Variants in RPS6KA2 observed in about 807,000 individuals in gnomAD.
The protein encoded by RPS6KA2 is ribosomal protein S6 kinase alpha-2.
Under a neutral mutation model 91.8 loss-of-function variants are expected in RPS6KA2, and 42 were observed. The observed-to-expected ratio is 0.46, with a 90% CI of 0.36 to 0.59. The LOEUF is 0.59. RPS6KA2 is among the 20% of genes least tolerant of loss of function. The pLI, the probability that RPS6KA2 is intolerant of heterozygous loss-of-function variation, is 0.00. For synonymous variants in RPS6KA2, 414 were observed against 393.6 expected (o/e 1.05, Z -0.61); for missense variants, 798 against 978.5 (o/e 0.82, Z 2.46).
At chr6:166,748,527 CTCCTCGGGCCCCCCATCCCCTT>C (rs1306829255) in intron 2 of RPS6KA2, among the ~76,000 whole-genome samples, 1 of 151,068 alleles carries the variant, frequency 6.6e-6, no homozygotes, top group African/African-American at 2.4e-5. Context: ...GGGGCCCCAC[CTCCTCGGGCCCCCCATCCCCTT>C]GGGCCCCCAC....
At chr6:166,687,491 G>A (rs1181642770) in intron 2 of RPS6KA2, among the ~76,000 whole-genome samples, 2 of 152,314 alleles carry the variant, frequency 1.3e-5, no homozygotes, top group South Asian at 2.1e-4. Flanking sequence ...AGAGGCCAGC[G>A]GGGTTTTTCA....
In RPS6KA2 at chr6:166,744,129, C is replaced by T. The variant is rs561029735; in HGVS notation, c.123+114071G>A. 2.1e-4 allele frequency among the ~76,000 whole-genome samples: 32 copies of T among 152,308 alleles called. 2 individuals are homozygous for T. In the South Asian group the frequency reaches 6.2e-3, roughly 30 times the overall value. On this transcript the variant is annotated intron_variant, in intron 2 of 21. Coordinates refer to the RPS6KA2 transcript ENST00000503859. ...ATAGACAGGGGTAAACACCCACCCA[C>T]GCTAGTGTGGTCACTCCCTTCCATT...
At chr6:166,643,191 A>G (rs1787497872) in intron 2 of RPS6KA2, among the ~76,000 whole-genome samples, 1 of 152,230 alleles carries the variant, frequency 6.6e-6, no homozygotes, top group African/African-American at 2.4e-5. Flanking sequence ...TTTGTAAGTG[A>G]GGCAAAATAA....
intron 2 of RPS6KA2, among the ~76,000 whole-genome samples, chr6:166,652,435 G>T (rs563685377): frequency 6.6e-6 from 1 of 152,264 alleles, no homozygotes; most frequent in South Asian, 2.1e-4. Flanking sequence ...CCCATGAGGA[G>T]TTTGATCGTT....
intron 2 of RPS6KA2, among the ~76,000 whole-genome samples, chr6:166,720,320 T>G (rs1790137637): frequency 6.6e-6 from 1 of 152,236 alleles, no homozygotes; most frequent in South Asian, 2.1e-4. Flanking sequence ...AATTACATTA[T>G]TCATCTTCTA....
At chr6:166,647,757 C>A (rs1787657176) in intron 2 of RPS6KA2, among the ~76,000 whole-genome samples, 1 of 152,128 alleles carries the variant, frequency 6.6e-6, no homozygotes, top group Non-Finnish European at 1.5e-5. Context: ...TGCACACACA[C>A]ACACACGCAC....
chr6:166,775,147 C>T (rs757150079), intron 2 of RPS6KA2, among the ~76,000 whole-genome samples: 15 of 152,142 alleles, frequency 9.9e-5, no homozygotes, highest in African/African-American at 2.9e-4. Context: ...TAATTTAAAA[C>T]GGTTTTACCC....
chr6:166,862,351 C>A, exon 1 of RPS6KA2: 1 of 1,436,674 alleles, frequency 7.0e-7, no homozygotes, highest in Non-Finnish European at 9.1e-7. Flanking sequence ...GAGCGCGGGG[C>A]CTGCGCCGGC....
chr6:166,740,987 G>T (rs1043973348), intron 2 of RPS6KA2, among the ~76,000 whole-genome samples: 1 of 152,334 alleles, frequency 6.6e-6, no homozygotes, highest in East Asian at 1.9e-4. Context: ...GTCACGACAC[G>T]GCTCCATGCC....
chr6:166,764,017 C>T (rs926809382), intron 2 of RPS6KA2, among the ~76,000 whole-genome samples: 24 of 152,194 alleles, frequency 1.6e-4, no homozygotes, highest in African/African-American at 4.8e-4. Flanking sequence ...TCTTGTTGTT[C>T]GGCTAGAAAG....
At chr6:166,786,547 T>C (rs1778935600) in intron 2 of RPS6KA2, among the ~76,000 whole-genome samples, 1 of 152,220 alleles carries the variant, frequency 6.6e-6, no homozygotes, top group African/African-American at 2.4e-5. Flanking sequence ...GGGAGTAGTA[T>C]GGAAGGAAGA....
intron 2 of RPS6KA2, among the ~76,000 whole-genome samples, chr6:166,742,815 CTG>C (rs1301480788): frequency 6.6e-6 from 1 of 152,256 alleles, no homozygotes; most frequent in Non-Finnish European, 1.5e-5. Context: ...ATGGAGCACT[CTG>C]TGTCCCGTCC....
chr6:166,573,790 T>C (rs1405648818), intron 1 of RPS6KA2, among the ~76,000 whole-genome samples: 2 of 152,182 alleles, frequency 1.3e-5, no homozygotes, highest in Non-Finnish European at 1.5e-5. Context: ...TTCCCAGTTT[T>C]GAAAAAAGTT....
intron 2 of RPS6KA2, among the ~76,000 whole-genome samples, chr6:166,814,664 C>A (rs1779718190): frequency 6.6e-6 from 1 of 152,170 alleles, no homozygotes; most frequent in South Asian, 2.1e-4. Flanking sequence ...AGCTTCGCCA[C>A]CTGTCAGGTC....
intron 1 of RPS6KA2, among the ~76,000 whole-genome samples, chr6:166,600,777 GAAGCT>G (rs1185640674): frequency 1.3e-5 from 2 of 152,232 alleles, no homozygotes; most frequent in Admixed American, 1.3e-4. Context: ...ATCAGTGAAA[GAAGCT>G]CATTGCACAA....
At chr6:166,843,109 G>A (rs771532116) in intron 2 of RPS6KA2, among the ~76,000 whole-genome samples, 4 of 152,198 alleles carry the variant, frequency 2.6e-5, no homozygotes, top group South Asian at 2.1e-4. Flanking sequence ...GCCTGTGACC[G>A]CCGCCTTTAC....
At position 166,445,944 on chromosome 6, in the gene RPS6KA2, A is replaced by G. The variant is rs1779665416; in HGVS notation, c.1332+2780T>C. On this transcript the variant is annotated intron_variant, in intron 14 of 20. Coordinates refer to ENST00000265678, the MANE Select transcript of RPS6KA2 (RefSeq NM_021135.6). This position sits in a 1 kb window ranked among gnomAD's most constrained non-coding sequence, Gnocchi z 4.5. ...TTAGTTCTGGGTCATGTTAGAAGTC[A>G]CCGAACTTTGCTGTTTCTTAGTCCA... Among the ~76,000 whole-genome samples the G allele has an allele frequency of 6.6e-6, 1 of 152,166 alleles. No homozygotes were observed. The highest frequency in any genetic ancestry group is 2.1e-4 in the South Asian group (1 of 4,820).
At position 166,732,170 on chromosome 6, in the gene RPS6KA2, C is replaced by T. The variant is rs1412854940; in HGVS notation, c.123+126030G>A. On this transcript the variant is annotated intron_variant, in intron 2 of 21. Coordinates refer to the RPS6KA2 transcript ENST00000503859. This position sits in a 1 kb window ranked among gnomAD's most constrained non-coding sequence, Gnocchi z 4.0. The stretch of plus-strand genomic sequence containing the variant: ...AATAACCAAGAAAAATACTTTAATA[C>T]AATGTGCCAAAAACAGTAACATCAA... Among the ~76,000 whole-genome samples, 1 of 152,080 alleles carries T rather than the reference C, an allele frequency of 6.6e-6. No individual in the cohort carries two copies.
At chr6:166,771,290 C>G (rs1778465751) in intron 2 of RPS6KA2, among the ~76,000 whole-genome samples, 3 of 152,196 alleles carry the variant, frequency 2.0e-5, no homozygotes. Flanking sequence ...TCAGGTGACT[C>G]TAAACTCTAG....
Sources: gnomAD v4.1 joint callset for allele counts (sites outside exome capture counted in the v4.1 genomes callset) on GRCh38, gnomAD v4.1.1 for gene constraint, Gnocchi (gnomAD v3.1) non-coding constraint, MANE v1.5 for transcripts, NCBI Gene and HGNC (gene_info 2026-07-23, HGNC 2026-07-21) for gene names.